DTWD1: variants seen among roughly 807,000 people sequenced by gnomAD.
The protein encoded by DTWD1 is DTW motif tRNA-uridine aminocarboxypropyltransferase 1.
A neutral mutation model predicts 30.2 loss-of-function variants in DTWD1; 27 were observed. That is an observed-to-expected ratio of 0.90 (90% CI 0.66 to 1.23). The LOEUF (loss-of-function observed/expected upper bound fraction) is 1.23. DTWD1 is among the 50% of genes most tolerant of loss of function. The pLI, the probability that DTWD1 is intolerant of heterozygous loss-of-function variation, is 0.00. For synonymous variants in DTWD1, 99 were observed against 113.1 expected (o/e 0.88, Z 0.79); for missense variants, 342 against 348.8 (o/e 0.98, Z 0.15).
At chr15:49,637,703 A>G (rs1303561433) in intron 4 of DTWD1, among the ~76,000 whole-genome samples, 1 of 152,214 alleles carries the variant, frequency 6.6e-6, no homozygotes, top group Non-Finnish European at 1.5e-5. Context: ...GGCAGTTGCT[A>G]AAACAGTTTG....
rs5812490 is a variant in DTWD1 at position 49,643,306 on chromosome 15, CTTTTTTTTT to C, written c.668-14_668-6del. 36 of 1,201,894 alleles carry C rather than the reference CTTTTTTTTT, an allele frequency of 3.0e-5. No individual in the cohort carries two copies. Among genetic ancestry groups the C allele is most frequent in the East Asian group, 1.7e-4 (5 of 29,660 alleles). 74.5% of individuals were successfully genotyped at this position (1,201,894 alleles called of 1,614,324 possible). Reference sequence around the variant, plus strand: ...ATTTATATTTTTTCTTTCTTTCTTTCTTTTTTTTTTTTTTTTTTTGACAGGGTTGTTACA... The same window carrying C: ...ATTTATATTTTTTCTTTCTTTCTTTCTTTTTTTTTTGACAGGGTTGTTACA... On this transcript the variant is annotated splice_polypyrimidine_tract_variant and intron_variant, in intron 4 of 4. Transcript: ENST00000403028.
intron 4 of DTWD1, among the ~76,000 whole-genome samples, chr15:49,636,750 C>T (rs1434713361): frequency 1.3e-5 from 2 of 152,058 alleles, no homozygotes; most frequent in Non-Finnish European, 2.9e-5. Context: ...AGAAATGAAC[C>T]TTTTAGCTGA....
At chr15:49,630,701 A>T (rs575516307) in intron 2 of DTWD1, 7 of 152,412 alleles carry the variant, frequency 4.6e-5, no homozygotes, top group Admixed American at 6.5e-5. Flanking sequence ...TTCAAGGGAA[A>T]TACTTAGGCA....
chr15:49,621,859 A>G (rs959562818), intron 1 of DTWD1, among the ~76,000 whole-genome samples: 3 of 152,162 alleles, frequency 2.0e-5, no homozygotes, highest in Admixed American at 6.5e-5. Flanking sequence ...TGTAGGTCCT[A>G]TGTGACCAAG....
rs2079172550 is a variant in DTWD1, at chr15:49,655,436, A to C, written c.*11858A>C. On this transcript the variant is annotated 3_prime_UTR_variant, in exon 5 of 5. Coordinates refer to ENST00000403028, the MANE Select transcript of DTWD1 (RefSeq NM_001144955.2). Reference sequence around the variant, plus strand: ...GCCTACGTACCTCTATTTTTTTTTCATACTCCCGTGTTTTTTTTAGTCCAT... The same window carrying C: ...GCCTACGTACCTCTATTTTTTTTTCCTACTCCCGTGTTTTTTTTAGTCCAT... 1 of 151,858 alleles carries C rather than the reference A, an allele frequency of 6.6e-6. No homozygotes were observed. Among genetic ancestry groups the C allele is most frequent in the East Asian group, 1.9e-4 (1 of 5,156 alleles). 9.4% of individuals were successfully genotyped at this position (151,858 alleles called of 1,614,324 possible).
Position 49,650,832 on chromosome 15 carries a change from A to T in DTWD1, c.*7254A>T, listed in dbSNP as rs549819066. On this transcript the variant is annotated 3_prime_UTR_variant, in exon 5 of 5. Coordinates refer to ENST00000403028, the MANE Select transcript of DTWD1 (RefSeq NM_001144955.2). Reference sequence around the variant, plus strand: ...TCCTCCCCTTCCCCTGAAAGGTGACACTTTCTAATAAACATCTTACACCCC... The same window carrying T: ...TCCTCCCCTTCCCCTGAAAGGTGACTCTTTCTAATAAACATCTTACACCCC... 2.6e-5 allele frequency: 4 copies of T among 152,262 alleles called. No homozygotes were observed. In the East Asian group the frequency reaches 7.7e-4, roughly 29 times the overall value. 9.4% of individuals were successfully genotyped at this position (152,262 alleles called of 1,614,324 possible). A position where few individuals can be genotyped will look rare whatever the true frequency, so the allele number is the denominator to read the frequency against.
At chr15:49,621,692 A>G (rs919244971) in intron 1 of DTWD1, among the ~76,000 whole-genome samples, 5 of 152,208 alleles carry the variant, frequency 3.3e-5, no homozygotes, top group Non-Finnish European at 7.3e-5. Flanking sequence ...GGTAAAATCA[A>G]TACTGTAGAT....
rs999535709 is a variant in DTWD1, at chr15:49,652,134, G to T, written c.*8556G>T. On this transcript the variant is annotated 3_prime_UTR_variant, in exon 5 of 5. Transcript: ENST00000403028. The stretch of plus-strand genomic sequence containing the variant: ...TCCCCTCCGTGCCATCACTTTTAAT[G>T]ACCCATATGGTACTTTGCACCTCTT... The T allele has an allele frequency of 6.6e-6, 1 of 152,114 alleles. No individual in the cohort carries two copies. Among genetic ancestry groups the T allele is most frequent in the African/African-American group, 2.4e-5 (1 of 41,440 alleles). 9.4% of individuals were successfully genotyped at this position (152,114 alleles called of 1,614,324 possible).
Position 49,643,738 on chromosome 15 carries a change from G to A in DTWD1, c.*160G>A. ...CACTTCATATTTCTTGAAGGAAATT[G>A]TATCTGGGGGAATTTTTCAGAGATA... On this transcript the variant is annotated 3_prime_UTR_variant, in exon 5 of 5. Transcript: ENST00000403028. The A allele has an allele frequency of 1.4e-6, 1 of 739,404 alleles. No homozygotes were observed. The highest frequency in any genetic ancestry group is 1.9e-6 in the Non-Finnish European group (1 of 518,938). 45.8% of individuals were successfully genotyped at this position (739,404 alleles called of 1,614,324 possible).
intron 4 of DTWD1, among the ~76,000 whole-genome samples, chr15:49,641,294 TCTATTTTTATTC>T (rs2079062342): frequency 6.6e-6 from 1 of 151,988 alleles, no homozygotes; most frequent in African/African-American, 2.4e-5. Context: ...TTTTTCTTAT[TCTATTTTTATTC>T]CTATTTCAAT....
chr15:49,631,477 G>GT (rs1193204537), intron 2 of DTWD1, among the ~76,000 whole-genome samples: 3 of 152,096 alleles, frequency 2.0e-5, no homozygotes, highest in African/African-American at 7.2e-5. Flanking sequence ...TTAAAATAGC[G>GT]TAAGAGGCCA....
intron 4 of DTWD1, among the ~76,000 whole-genome samples, chr15:49,643,029 A>G (rs1221821310): frequency 2.6e-5 from 4 of 152,138 alleles, no homozygotes. Context: ...TGATACATAG[A>G]AGATTGGAAG....
intron 4 of DTWD1, among the ~76,000 whole-genome samples, chr15:49,639,156 A>G (rs534138260): frequency 6.6e-6 from 1 of 152,288 alleles, no homozygotes; most frequent in Non-Finnish European, 1.5e-5. Context: ...CATCAAATAT[A>G]TGAGGTAAAG....
In DTWD1 at chr15:49,645,027, TC is replaced by T; in HGVS notation, c.*1450del. 1 of 152,048 alleles carries T rather than the reference TC, an allele frequency of 6.6e-6. No individual in the cohort carries two copies. The highest frequency in any genetic ancestry group is 1.5e-5 in the Non-Finnish European group (1 of 68,008). 9.4% of individuals were successfully genotyped at this position (152,048 alleles called of 1,614,324 possible). A position where few individuals can be genotyped will look rare whatever the true frequency, so the allele number is the denominator to read the frequency against. ...CATGATGTTTTATGGGGGAAAGAGT[TC>T]TTGGTGAAATTAGTTTGCTGTACAT... On this transcript the variant is annotated 3_prime_UTR_variant, in exon 5 of 5. Coordinates refer to ENST00000403028, the MANE Select transcript of DTWD1 (RefSeq NM_001144955.2).
chr15:49,623,995 C>G (rs1289830861), intron 1 of DTWD1, among the ~76,000 whole-genome samples: 1 of 151,792 alleles, frequency 6.6e-6, no homozygotes, highest in Non-Finnish European at 1.5e-5. Flanking sequence ...TCTACTATAA[C>G]CGGCGTTTTT....
intron 2 of DTWD1, chr15:49,631,958 C>A (rs2078926108): frequency 6.7e-6 from 4 of 599,268 alleles, no homozygotes; most frequent in Non-Finnish European, 8.9e-6. Context: ...TGTCCTAATA[C>A]ATGAATAACA....
chr15:49,643,451 C>T lies in DTWD1; in HGVS notation c.788C>T (p.Thr263Ile), dbSNP rs141183142. The part of the protein sequence containing the change: ...AIYYFLVDYH[T>I]DILKEKYRGQ... ...TACTACTTTCTGGTAGACTACCATACTGATATATTAAAAGAGAAATACAGA... is the reference window on the plus strand; with the variant it reads ...TACTACTTTCTGGTAGACTACCATATTGATATATTAAAAGAGAAATACAGA... Residue 263 changes from threonine to isoleucine, a missense_variant, in exon 5 of 5, where the codon ACT becomes ATT. Transcript: ENST00000403028. 6.2e-6 allele frequency: 10 copies of T among 1,608,154 alleles called. No individual in the cohort carries two copies. The African/African-American group carries it at 1.3e-4, about 22-fold the overall frequency.
At position 49,644,685 on chromosome 15, in the gene DTWD1, T is replaced by C. The variant is rs2079104376; in HGVS notation, c.*1107T>C. On this transcript the variant is annotated 3_prime_UTR_variant, in exon 5 of 5. Transcript: ENST00000403028. ...TGTTCCTCTACTAAATAGTACCTTA[T>C]CAGGAATCCTATCTCTTCTGTTCCC... 1 of 152,170 alleles carries C rather than the reference T, an allele frequency of 6.6e-6. No homozygotes were observed. Among genetic ancestry groups the C allele is most frequent in the Admixed American group, 6.5e-5 (1 of 15,272 alleles). The allele number at this position is 152,170 out of a possible 1,614,324, so 9.4% of individuals were successfully genotyped here. A position where few individuals can be genotyped will look rare whatever the true frequency, so the allele number is the denominator to read the frequency against.
chr15:49,626,274 A>G (rs1411859927), intron 2 of DTWD1, among the ~76,000 whole-genome samples: 1 of 152,134 alleles, frequency 6.6e-6, no homozygotes, highest in Admixed American at 6.6e-5. Context: ...ATTTTCACCT[A>G]AGATTTTGTG....
Sources: allele counts gnomAD v4.1 joint callset (sites outside exome capture counted in the v4.1 genomes callset), GRCh38; gene constraint gnomAD v4.1.1; transcripts MANE v1.5; gene names NCBI Gene and HGNC (gene_info 2026-07-23, HGNC 2026-07-21).